The following LINGO2 variants were observed in gnomAD, a reference collection of about 807,000 sequenced individuals.
LINGO2 encodes the protein leucine rich repeat and Ig domain containing 2, also known as leucine-rich repeat and immunoglobulin-like domain-containing nogo receptor-interacting protein 2.
LINGO2 carries 14 observed loss-of-function variants against 30.6 expected under a neutral mutation model. The ratio of observed to expected loss-of-function variants is 0.46; its 90% CI spans 0.30 to 0.72. LINGO2 has a LOEUF of 0.72. LINGO2 is among the 30% of genes least tolerant of loss of function. The pLI is 0.07. For missense variants in LINGO2, 729 were observed against 751.7 expected, an observed-to-expected ratio of 0.97 and a Z score of 0.35; for synonymous variants, 317 against 288.5, an observed-to-expected ratio of 1.10 and a Z score of -1.00.
chr9:29,114,834 A>C, the LINGO2 span, among the ~76,000 whole-genome samples: 1 of 152,058 alleles, frequency 6.6e-6, no homozygotes, highest in Non-Finnish European at 1.5e-5. Flanking sequence ...ATATATTTAA[A>C]AAAAGATTAT....
chr9:28,576,358 G>T (rs1277765284), intron 1 of LINGO2, among the ~76,000 whole-genome samples: 1 of 152,124 alleles, frequency 6.6e-6, no homozygotes, highest in South Asian at 2.1e-4. Context: ...TTTGCACCAT[G>T]GTAAACTAAA....
chr9:28,575,545 G>A (rs1823929896), intron 1 of LINGO2, among the ~76,000 whole-genome samples: 1 of 151,904 alleles, frequency 6.6e-6, no homozygotes, highest in South Asian at 2.1e-4. Context: ...GGGGAGTTTC[G>A]AAGAGAGGAG....
the LINGO2 span, among the ~76,000 whole-genome samples, chr9:28,733,635 A>C: frequency 6.6e-6 from 1 of 152,118 alleles, no homozygotes; most frequent in Non-Finnish European, 1.5e-5. Context: ...TGTGAGTGTC[A>C]CTAGGGTTGC....
chr9:28,397,475 C>A (rs1179878659), intron 2 of LINGO2, among the ~76,000 whole-genome samples: 2 of 149,336 alleles, frequency 1.3e-5, no homozygotes, highest in African/African-American at 4.9e-5. Context: ...TATTTAACAG[C>A]CACATTTTGG....
At chr9:28,291,399 T>A (rs1823723053) in intron 4 of LINGO2, among the ~76,000 whole-genome samples, 1 of 152,200 alleles carries the variant, frequency 6.6e-6, no homozygotes, top group Admixed American at 6.5e-5. Context: ...GCTAGGGAGA[T>A]GGCGTCACTT....
the LINGO2 span, among the ~76,000 whole-genome samples, chr9:28,941,549 T>G: frequency 6.6e-6 from 1 of 152,134 alleles, no homozygotes. Flanking sequence ...TTCTCACTTC[T>G]CAAGAGAGAT....
the LINGO2 span, among the ~76,000 whole-genome samples, chr9:29,201,963 C>A: frequency 6.6e-6 from 1 of 151,972 alleles, no homozygotes; most frequent in East Asian, 1.9e-4. Context: ...AACTTTTAGT[C>A]ACTGCATGTT....
At chr9:28,591,578 C>T (rs1392465053) in intron 1 of LINGO2, among the ~76,000 whole-genome samples, 2 of 151,900 alleles carry the variant, frequency 1.3e-5, no homozygotes, top group East Asian at 3.9e-4. Context: ...GTGTTAGGCA[C>T]CTTTTATGCA....
the LINGO2 span, among the ~76,000 whole-genome samples, chr9:29,106,724 T>A: frequency 6.6e-6 from 1 of 152,184 alleles, no homozygotes; most frequent in Non-Finnish European, 1.5e-5. Flanking sequence ...CCCTGTGATG[T>A]CATATATCCT....
chr9:28,388,896 T>TTCTC (rs34568011), intron 2 of LINGO2, among the ~76,000 whole-genome samples: 2 of 150,860 alleles, frequency 1.3e-5, no homozygotes, highest in Non-Finnish European at 1.5e-5. Context: ...CTTTCTCTCT[T>TTCTC]TCTCTCTCTC....
intron 4 of LINGO2, among the ~76,000 whole-genome samples, chr9:28,168,004 G>C (rs1828479643): frequency 6.6e-6 from 1 of 152,134 alleles, no homozygotes; most frequent in Non-Finnish European, 1.5e-5. Context: ...TCCCTGAGTG[G>C]TCATGTTTAT....
rs933060115 is a variant in LINGO2, at chr9:28,540,414, C to T, written c.-364-64389G>A. On this transcript the variant is annotated intron_variant, in intron 1 of 5. Coordinates refer to ENST00000379992, the Ensembl canonical transcript of LINGO2. ...TAGCTGGGACTACAGGAAGGTGCCA[C>T]CACGTCCGACTAATTTTTGTATTTT... 5.3e-5 allele frequency among the ~76,000 whole-genome samples: 8 copies of T among 152,010 alleles called. No individual in the cohort carries two copies. The South Asian group carries it at 1.7e-3, about 32-fold the overall frequency.
chr9:28,831,620 T>A, the LINGO2 span, among the ~76,000 whole-genome samples: 36 of 151,722 alleles, frequency 2.4e-4, 1 homozygote, highest in East Asian at 7.0e-3. Flanking sequence ...TGGGAAATAA[T>A]CAAAGATTAG....
At chr9:28,579,132 G>A (rs531400794) in intron 1 of LINGO2, among the ~76,000 whole-genome samples, 1 of 151,336 alleles carries the variant, frequency 6.6e-6, no homozygotes, top group African/African-American at 2.4e-5. Context: ...TTATGGAAAT[G>A]CTACATTACA....
chr9:29,055,284 T>C, the LINGO2 span, among the ~76,000 whole-genome samples: 2 of 152,136 alleles, frequency 1.3e-5, no homozygotes, highest in South Asian at 4.1e-4. Context: ...AAAAATGTTT[T>C]TGTGTAGCTT....
the LINGO2 span, among the ~76,000 whole-genome samples, chr9:29,071,053 C>T: frequency 6.6e-6 from 1 of 150,428 alleles, no homozygotes; most frequent in Admixed American, 6.7e-5. Context: ...TATATACATA[C>T]AGACCCATAC....
chr9:28,769,748 C>G, the LINGO2 span, among the ~76,000 whole-genome samples: 1 of 150,102 alleles, frequency 6.7e-6, no homozygotes, highest in Non-Finnish European at 1.5e-5. Context: ...CTCAGACATT[C>G]CTATCATGCA....
chr9:28,813,291 G>T, the LINGO2 span, among the ~76,000 whole-genome samples: 2 of 152,076 alleles, frequency 1.3e-5, no homozygotes, highest in African/African-American at 2.4e-5. Flanking sequence ...ACATGATATG[G>T]TTTTCTCTAC....
At chr9:29,062,854 C>T in the LINGO2 span, among the ~76,000 whole-genome samples, 2 of 152,100 alleles carry the variant, frequency 1.3e-5, no homozygotes, top group Non-Finnish European at 2.9e-5. Context: ...TGTGATAACA[C>T]TTTTCTCAAT....
Sources: gnomAD v4.1 joint callset for allele counts (sites outside exome capture counted in the v4.1 genomes callset) on GRCh38, gnomAD v4.1.1 for gene constraint, MANE v1.5 for transcripts, NCBI Gene and HGNC (gene_info 2026-07-23, HGNC 2026-07-21) for gene names.